Variants in HSD17B11 observed in about 807,000 individuals in gnomAD.
HSD17B11 encodes hydroxysteroid 17-beta dehydrogenase 11.
A neutral mutation model predicts 27.8 loss-of-function variants in HSD17B11; 22 were observed. That is an observed-to-expected ratio of 0.79 (90% CI 0.56 to 1.13). The LOEUF is 1.13. Ranked by LOEUF, HSD17B11 falls within the 50% of genes most tolerant of loss-of-function variation. The probability of loss-of-function intolerance (pLI) is 0.00; values close to 1 mark genes in which losing one functional copy is unlikely to be tolerated. For synonymous variants in HSD17B11, 117 were observed against 132.8 expected (o/e 0.88, Z 0.82); for missense variants, 314 against 351.1 (o/e 0.89, Z 0.84).
intron 2 of HSD17B11, among the ~76,000 whole-genome samples, chr4:87,381,253 G>A (rs1295110216): frequency 1.3e-5 from 2 of 151,178 alleles, no homozygotes; most frequent in African/African-American, 2.4e-5. Context: ...CTCAAGTCTT[G>A]CTGAATCACA....
Position 87,374,710 on chromosome 4 carries a change from C to A in HSD17B11, c.439G>T (p.Ala147Ser). The change falls in exon 3 of 7, where the codon GCA becomes TCA. Residue 147 changes from alanine (A) to serine (S), a missense_variant. Transcript: ENST00000358290. ...GAAGCCATACTCACCCAGAAATGTG[C>A]AAGTACATTAACTTCAAAAGTCTTT... ...IEKTFEVNVL[A>S]HFWTTKAFLP... The A allele has an allele frequency of 6.2e-7, 1 of 1,601,966 alleles. No homozygotes were observed. The highest frequency in any genetic ancestry group is 8.5e-7 in the Non-Finnish European group (1 of 1,177,162).
chr4:87,358,732 C>T (rs965994812), intron 4 of HSD17B11, among the ~76,000 whole-genome samples: 1 of 152,070 alleles, frequency 6.6e-6, no homozygotes, highest in Non-Finnish European at 1.5e-5. Context: ...AGTAGCTATA[C>T]ATTCTGGCCA....
Position 87,357,401 on chromosome 4 carries a change from A to C in HSD17B11, c.573T>G (p.Ala191=), listed in dbSNP as rs1578037125. Residue 191 remains alanine (A), a synonymous_variant, in exon 5 of 7, where the codon GCT becomes GCG. Coordinates refer to ENST00000358290, the MANE Select transcript of HSD17B11 (RefSeq NM_016245.5). The part of the protein sequence containing the change: ...FLLAYCSSKF[A]AVGFHKTLTD... ...TCAAAGTTTTATGAAATCCAACAGC[A>C]GCAAACTTGCTTGAACTGAAAATAG... The C allele has an allele frequency of 6.2e-7, 1 of 1,611,660 alleles. No individual in the cohort carries two copies. Among genetic ancestry groups the C allele is most frequent in the African/African-American group, 1.3e-5 (1 of 74,876 alleles).
At position 87,378,944 on chromosome 4, in the gene HSD17B11, ATATT is replaced by A. The variant is rs1415590420; in HGVS notation, c.318+3307_318+3310del. On this transcript the variant is annotated intron_variant, in intron 2 of 6. Transcript: ENST00000358290. Reference sequence around the variant, plus strand: ...AATATATATAAATATATATATATATATATTTATATATATATATTTTTTTTTTTTT... The same window carrying A: ...AATATATATAAATATATATATATATATATATATATATATTTTTTTTTTTTT... Among the ~76,000 whole-genome samples, 176 of 19,264 alleles carry A rather than the reference ATATT, an allele frequency of 9.1e-3. 2 individuals are homozygous for A. The highest frequency in any genetic ancestry group is 0.01 in the Admixed American group (10 of 992). The allele number at this position is 19,264 out of a possible 152,430, so 12.6% of individuals were successfully genotyped here.
intron 5 of HSD17B11, among the ~76,000 whole-genome samples, chr4:87,356,007 T>C (rs190767394): frequency 3.3e-5 from 5 of 152,276 alleles, no homozygotes; most frequent in Admixed American, 1.3e-4. Flanking sequence ...TAAAAGGAAG[T>C]GCAATGTCCA....
At chr4:87,364,259 T>A (rs1735577077) in intron 4 of HSD17B11, among the ~76,000 whole-genome samples, 1 of 139,448 alleles carries the variant, frequency 7.2e-6, no homozygotes, top group Admixed American at 7.5e-5. Flanking sequence ...GCACCACAGA[T>A]CCAGTTTTGG....
intron 4 of HSD17B11, among the ~76,000 whole-genome samples, chr4:87,361,771 A>G (rs1735521538): frequency 1.3e-5 from 2 of 151,182 alleles, no homozygotes; most frequent in South Asian, 4.1e-4. Context: ...TGTCTCAAAA[A>G]TAAATAAACT....
At chr4:87,381,186 CAAAAA>C (rs58998729) in intron 2 of HSD17B11, among the ~76,000 whole-genome samples, 3 of 114,306 alleles carry the variant, frequency 2.6e-5, no homozygotes, top group Non-Finnish European at 3.5e-5. Flanking sequence ...GACTCCATTT[CAAAAA>C]AAAAAAAAAA....
chr4:87,372,850 T>C (rs753994183), intron 3 of HSD17B11, 35 bp from the exon 4 acceptor site: 3 of 1,262,634 alleles, frequency 2.4e-6, no homozygotes, highest in East Asian at 4.6e-5. Flanking sequence ...GAAAAAATAC[T>C]GTATTTCAGA....
At chr4:87,341,840 T>C (rs1263104680) in intron 5 of HSD17B11, among the ~76,000 whole-genome samples, 2 of 151,996 alleles carry the variant, frequency 1.3e-5, no homozygotes, top group East Asian at 1.9e-4. Flanking sequence ...CATTCCAGCC[T>C]GGACAACAGA....
At chr4:87,337,705 A>C (rs1578450725) in intron 6 of HSD17B11, among the ~76,000 whole-genome samples, 1 of 152,312 alleles carries the variant, frequency 6.6e-6, no homozygotes, top group South Asian at 2.1e-4. Flanking sequence ...GAGAATAGGA[A>C]CTAATTTTGT....
chr4:87,370,473 T>C (rs1037053395), intron 4 of HSD17B11, among the ~76,000 whole-genome samples: 7 of 151,990 alleles, frequency 4.6e-5, no homozygotes, highest in Non-Finnish European at 8.8e-5. Context: ...TGGAGTGCAG[T>C]GGCACAATCT....
In HSD17B11 at chr4:87,381,955, G is replaced by C. The variant is rs115125930; in HGVS notation, c.318+300C>G. Among the ~76,000 whole-genome samples, 742 of 152,230 alleles carry C rather than the reference G, an allele frequency of 4.9e-3. 6 individuals carry two copies. Among genetic ancestry groups the C allele is most frequent in the Admixed American group, 8.6e-3 (131 of 15,284 alleles). ...ATGGGTGAGATGAAGGCGCATGGGA[G>C]GCAGGGTGGATGTATTTGAGGCCCT... On this transcript the variant is annotated intron_variant, in intron 2 of 6. Transcript: ENST00000358290.
At chr4:87,384,410 G>A (rs940611915) in intron 1 of HSD17B11, among the ~76,000 whole-genome samples, 2 of 152,136 alleles carry the variant, frequency 1.3e-5, no homozygotes, top group African/African-American at 4.8e-5. Context: ...GGGAACAAGG[G>A]AAGACAACCA....
At chr4:87,370,731 A>AACC (rs376028397) in intron 4 of HSD17B11, among the ~76,000 whole-genome samples, 8 of 11,426 alleles carry the variant, frequency 7.0e-4, no homozygotes, top group Admixed American at 1.2e-3. Context: ...TATTATTATT[A>AACC]TTATTATTAT....
rs565213421 is a variant in HSD17B11, at chr4:87,391,172, G to A, written c.-102C>T. On this transcript the variant is annotated 5_prime_UTR_variant, in exon 1 of 7. Transcript: ENST00000358290. ...ATCTAACACCAGAAAGAGTAGGGGC[G>A]AGAGCAAGGAGGAACTCCCGTATCA... 1.8e-4 allele frequency: 142 copies of A among 800,800 alleles called. No individual in the cohort carries two copies. The highest frequency in any genetic ancestry group is 3.6e-4 in the Middle Eastern group (1 of 2,752). The allele number at this position is 800,800 out of a possible 1,614,324, so 49.6% of individuals were successfully genotyped here.
At chr4:87,389,255 T>G (rs905635794) in intron 1 of HSD17B11, among the ~76,000 whole-genome samples, 1 of 152,184 alleles carries the variant, frequency 6.6e-6, no homozygotes, top group Non-Finnish European at 1.5e-5. Flanking sequence ...AGAGTTTTGC[T>G]CTTGTTGCCC....
Position 87,384,075 on chromosome 4 carries a change from T to C in HSD17B11, c.211-1713A>G, listed in dbSNP as rs1578048296. On this transcript the variant is annotated intron_variant, in intron 1 of 6. Transcript: ENST00000358290. ...TTAGTAGCTTGCATAGTGAAACTGTTATGATAATAAAGGGAAACAAGTTCT... is the reference window on the plus strand; with the variant it reads ...TTAGTAGCTTGCATAGTGAAACTGTCATGATAATAAAGGGAAACAAGTTCT... Among the ~76,000 whole-genome samples, 4 of 152,304 alleles carry C rather than the reference T, an allele frequency of 2.6e-5. No individual in the cohort carries two copies. In the South Asian group the frequency reaches 8.3e-4, roughly 32 times the overall value.
intron 5 of HSD17B11, among the ~76,000 whole-genome samples, chr4:87,347,116 C>CTTTTTTTTTTT (rs70957224): frequency 2.7e-3 from 119 of 44,286 alleles, no homozygotes; most frequent in Non-Finnish European, 2.9e-3. Flanking sequence ...TTTTTTTTTT[C>CTTTTTTTTTTT]TTTTTTTTTT....
Sources: allele counts gnomAD v4.1 joint callset (sites outside exome capture counted in the v4.1 genomes callset), GRCh38; gene constraint gnomAD v4.1.1; transcripts MANE v1.5; gene names NCBI Gene and HGNC (gene_info 2026-07-23, HGNC 2026-07-21).